The following KLHL36 variants were observed in gnomAD, a reference collection of about 807,000 sequenced individuals.
KLHL36 encodes kelch-like protein 36.
KLHL36 carries 35 observed loss-of-function variants against 53.3 expected under a neutral mutation model. The observed-to-expected ratio is 0.66, with a 90% CI of 0.50 to 0.87. The LOEUF (loss-of-function observed/expected upper bound fraction) is 0.87, where lower values mean the gene tolerates loss of function less well. Among genes scored for constraint, KLHL36 ranks in the 40% least tolerant of loss-of-function variants. The probability of loss-of-function intolerance (pLI) is 0.00; values close to 1 mark genes in which losing one functional copy is unlikely to be tolerated. For missense variants in KLHL36, 864 were observed against 897.6 expected (o/e 0.96, Z 0.48); for synonymous variants, 472 against 398.9 (o/e 1.18, Z -2.18).
chr16:84,656,871 G>C lies in KLHL36; in HGVS notation c.64G>C (p.Val22Leu). The part of the protein sequence containing the change: ...RPYKISESSK[V>L]YRWADHSSTV... ...TTTCTAATGTGTCTTCTCTGTCCAG[G>C]TATACCGCTGGGCCGACCACTCAAG... Residue 22 changes from valine (V) to leucine (L), a missense_variant and splice_region_variant, in exon 3 of 5, where the codon GTA (valine) becomes CTA (leucine). Transcript: ENST00000564996. 1 of 1,602,210 alleles carries C rather than the reference G, an allele frequency of 6.2e-7. No homozygotes were observed. The highest frequency in any genetic ancestry group is 8.5e-7 in the Non-Finnish European group (1 of 1,172,998).
At chr16:84,653,054 A>C (rs889540099) in intron 2 of KLHL36, among the ~76,000 whole-genome samples, 3 of 152,090 alleles carry the variant, frequency 2.0e-5, no homozygotes, top group Admixed American at 6.5e-5. Flanking sequence ...TCATCTCTAC[A>C]AAAGATACAA....
At position 84,659,803 on chromosome 16, in the gene KLHL36, C is replaced by G. The variant is rs1189486260; in HGVS notation, c.1181C>G (p.Ser394Cys). The G allele has an allele frequency of 1.2e-6, 2 of 1,614,174 alleles. No homozygotes were observed. The highest frequency in any genetic ancestry group is 2.7e-5 in the African/African-American group (2 of 75,038). ...CGCCGTGTGGATTTCTACCTTGCCT[C>G]CATCGAAGACATGCTGGTGGCCATC... The part of the protein sequence containing the change: ...NQRRVDFYLA[S>C]IEDMLVAIGG... The change falls in exon 4 of 5, where the codon TCC (serine) becomes TGC (cysteine). Residue 394 changes from serine to cysteine, a missense_variant. Transcript: ENST00000564996.
At chr16:84,656,827 C>G (rs769900968) in intron 2 of KLHL36, 44 bp from the exon 3 acceptor site, 6 of 1,489,830 alleles carry the variant, frequency 4.0e-6, no homozygotes, top group Admixed American at 1.8e-5. Context: ...GGACCAGGGC[C>G]GAGCAGGCTG....
Position 84,657,866 on chromosome 16 carries a change from C to T in KLHL36, c.1059C>T (p.Ser353=). 1 of 1,590,088 alleles carries T rather than the reference C, an allele frequency of 6.3e-7. No individual in the cohort carries two copies. Among genetic ancestry groups the T allele is most frequent in the Non-Finnish European group, 8.6e-7 (1 of 1,165,540 alleles). Residue 353 remains serine (S), a synonymous_variant, in exon 3 of 5, where the codon AGC becomes AGT. Transcript: ENST00000564996. ...LGGFIFIAGG[S]FSRDNGGDAA... is the part of the protein sequence containing the mutation. The stretch of plus-strand genomic sequence containing the variant: ...GCTTCATCTTCATCGCCGGCGGCAG[C>T]TTCTCACGGGACAACGGAGGGGATG...
intron 2 of KLHL36, among the ~76,000 whole-genome samples, chr16:84,655,703 CAAA>C (rs568975346): frequency 7.5e-5 from 7 of 93,306 alleles, no homozygotes; most frequent in Admixed American, 3.6e-4. Context: ...GACCCTGTCT[CAAA>C]AAAAAAAAAA....
At chr16:84,653,440 G>A (rs771230922) in intron 2 of KLHL36, among the ~76,000 whole-genome samples, 17 of 151,926 alleles carry the variant, frequency 1.1e-4, no homozygotes, top group African/African-American at 2.7e-4. Context: ...CCTGAAATGC[G>A]GAAACTCTGT....
intron 2 of KLHL36, among the ~76,000 whole-genome samples, chr16:84,655,703 CAAAAA>C (rs568975346): frequency 3.2e-5 from 3 of 93,328 alleles, no homozygotes; most frequent in African/African-American, 8.4e-5. Flanking sequence ...GACCCTGTCT[CAAAAA>C]AAAAAAAAAA....
rs1248745622 is a variant in KLHL36, at chr16:84,663,455, C to T, written c.*1322C>T. On this transcript the variant is annotated 3_prime_UTR_variant, in exon 5 of 5. Transcript: ENST00000564996. Reference sequence around the variant, plus strand: ...CTTAGCTGCCCGAGTGGATGAGAAACGTGCAGAACTATGGGAGGATAGGAG... The same window carrying T: ...CTTAGCTGCCCGAGTGGATGAGAAATGTGCAGAACTATGGGAGGATAGGAG... 5.3e-5 allele frequency: 8 copies of T among 152,014 alleles called. No individual in the cohort carries two copies. The highest frequency in any genetic ancestry group is 1.2e-4 in the African/African-American group (5 of 41,378). The allele number at this position is 152,014 out of a possible 1,614,324, so 9.4% of individuals were successfully genotyped here.
In KLHL36 at chr16:84,666,830, A is replaced by T. The variant is rs942416136; in HGVS notation, c.*4697A>T. 3.9e-5 allele frequency: 6 copies of T among 152,022 alleles called. No individual in the cohort carries two copies. Among genetic ancestry groups the T allele is most frequent in the Non-Finnish European group, 7.4e-5 (5 of 68,022 alleles). 9.4% of individuals were successfully genotyped at this position (152,022 alleles called of 1,614,324 possible). A position where few individuals can be genotyped will look rare whatever the true frequency, so the allele number is the denominator to read the frequency against. ...ACGCCTGTACTCCCAGCACTCTGGG[A>T]GGCCAAGGGGGACGGATCACCTGAG... On this transcript the variant is annotated 3_prime_UTR_variant, in exon 5 of 5. Transcript: ENST00000564996.
In KLHL36 at chr16:84,661,441, G is replaced by C. The variant is rs1197420504; in HGVS notation, c.1296-137G>C. 5.0e-6 allele frequency: 4 copies of C among 807,760 alleles called. No individual in the cohort carries two copies. In the East Asian group the frequency reaches 7.7e-5, roughly 15 times the overall value. The allele number at this position is 807,760 out of a possible 1,614,324, so 50.0% of individuals were successfully genotyped here. A position where few individuals can be genotyped will look rare whatever the true frequency, so the allele number is the denominator to read the frequency against. Reference sequence around the variant, plus strand: ...GCTAATGACGGCTACTGTCTATAGAGTGTTCATGGGGTGCCCACTCCCTAT... The same window carrying C: ...GCTAATGACGGCTACTGTCTATAGACTGTTCATGGGGTGCCCACTCCCTAT... On this transcript the variant is annotated intron_variant, in intron 4 of 4. Transcript: ENST00000564996. This position sits in a 1 kb window ranked among gnomAD's most constrained non-coding sequence, Gnocchi z 7.9.
intron 2 of KLHL36, among the ~76,000 whole-genome samples, chr16:84,654,046 G>A (rs755220098): frequency 6.6e-6 from 1 of 151,964 alleles, no homozygotes; most frequent in Admixed American, 6.6e-5. Flanking sequence ...GTCTCCCCTC[G>A]GCAGCCGTTC....
At chr16:84,653,487 C>T (rs1030392820) in intron 2 of KLHL36, among the ~76,000 whole-genome samples, 10 of 152,270 alleles carry the variant, frequency 6.6e-5, no homozygotes, top group African/African-American at 1.7e-4. Context: ...ATAGGCCAGG[C>T]GCAGTGGCTC....
chr16:84,661,988 A>T lies in KLHL36; in HGVS notation c.1706A>T (p.Asp569Val). ...TTCTCCAAGACCGTGCAGGTGTACG[A>T]CCGCGAGGCCGACAAGTGGAGCAGG... ...TAFSKTVQVY[D>V]READKWSRGV... The change falls in exon 5 of 5, where the codon GAC becomes GTC. Residue 569 changes from aspartate (D) to valine (V), a missense_variant. Asp to Val is a radical substitution (Grantham distance 152, BLOSUM62 -3). Coordinates refer to ENST00000564996, the MANE Select transcript of KLHL36 (RefSeq NM_024731.4). This position sits in a 1 kb window ranked among gnomAD's most constrained non-coding sequence, Gnocchi z 7.9. 1.9e-6 allele frequency: 3 copies of T among 1,596,204 alleles called. No homozygotes were observed. Among genetic ancestry groups the T allele is most frequent in the Non-Finnish European group, 2.6e-6 (3 of 1,172,868 alleles).
chr16:84,657,213 T>C lies in KLHL36; in HGVS notation c.406T>C (p.Cys136Arg). 6.2e-7 allele frequency: 1 copy of C among 1,614,182 alleles called. No individual in the cohort carries two copies. Among genetic ancestry groups the C allele is most frequent in the Non-Finnish European group, 8.5e-7 (1 of 1,180,014 alleles). The change falls in exon 3 of 5, where the codon TGT (cysteine) becomes CGT (arginine). Residue 136 changes from cysteine (C) to arginine (R), a missense_variant. By Grantham distance (180) the Cys-to-Arg change is radical (BLOSUM62 -3). Coordinates refer to ENST00000564996, the MANE Select transcript of KLHL36 (RefSeq NM_024731.4). Reference sequence around the variant, plus strand: ...GATCTGGACGGTGGTAGACTTCTGCTGTGAGTACCTGGAGCAGGAGGTGAG... The same window carrying C: ...GATCTGGACGGTGGTAGACTTCTGCCGTGAGTACCTGGAGCAGGAGGTGAG... ...LQIWTVVDFCCEYLEQEVSED... is the reference protein window; with the variant it reads ...LQIWTVVDFCREYLEQEVSED...
chr16:84,651,489 GC>G (rs1906875516), intron 2 of KLHL36, among the ~76,000 whole-genome samples: 28 of 152,144 alleles, frequency 1.8e-4, no homozygotes, highest in Admixed American at 8.5e-4. Context: ...AAATCCAAGA[GC>G]CAGACCCGGC....
intron 3 of KLHL36, chr16:84,659,558 T>C (rs1907422042): frequency 1.8e-6 from 1 of 559,074 alleles, no homozygotes; most frequent in Admixed American, 3.1e-5. Context: ...CATCCCACTT[T>C]TGGGGATTCA....
chr16:84,658,073 A>C, intron 3 of KLHL36, 129 bp downstream of exon 3: 10 of 741,072 alleles, frequency 1.3e-5, no homozygotes, highest in Non-Finnish European at 1.9e-5. Flanking sequence ...GTGATGATAA[A>C]GTGACGAGCA....
chr16:84,659,912 G>A lies in KLHL36; in HGVS notation c.1290G>A (p.Leu430=), dbSNP rs928703884. The A allele has an allele frequency of 1.9e-6, 3 of 1,604,842 alleles. No homozygotes were observed. Among genetic ancestry groups the A allele is most frequent in the Non-Finnish European group, 1.7e-6 (2 of 1,172,410 alleles). The change falls in exon 4 of 5, where the codon TTG becomes TTA. Residue 430 remains leucine, a synonymous_variant. Coordinates refer to ENST00000564996, the MANE Select transcript of KLHL36 (RefSeq NM_024731.4). ...KTDSWSYVAG[L]PRFTYGHAGT... ...ACTCCTGGTCCTATGTGGCCGGCTT[G>A]CCAAGGTGATCTGGGGCTTGGTGGA...
intron 2 of KLHL36, among the ~76,000 whole-genome samples, chr16:84,653,035 G>A (rs1227532446): frequency 6.6e-6 from 1 of 151,986 alleles, no homozygotes; most frequent in African/African-American, 2.4e-5. Flanking sequence ...TGGACAACAC[G>A]GCTAAACCTC....
Sources: gnomAD v4.1 joint callset for allele counts (sites outside exome capture counted in the v4.1 genomes callset) on GRCh38, gnomAD v4.1.1 for gene constraint, Gnocchi (gnomAD v3.1) non-coding constraint, MANE v1.5 for transcripts, NCBI Gene and HGNC (gene_info 2026-07-23, HGNC 2026-07-21) for gene names.